The following BTAF1 variants were observed in gnomAD, a reference collection of about 807,000 sequenced individuals.
BTAF1 encodes the protein TATA-binding protein-associated factor 172.
BTAF1 carries 38 observed loss-of-function variants against 227.1 expected under a neutral mutation model. That is an observed-to-expected ratio of 0.17 (90% CI 0.13 to 0.22). The LOEUF (loss-of-function observed/expected upper bound fraction) is 0.22. Among genes scored for constraint, BTAF1 ranks in the 10% least tolerant of loss-of-function variants. BTAF1 has a pLI of 1.00. For missense variants in BTAF1, 1,598 were observed against 2,204.0 expected, an observed-to-expected ratio of 0.73 and a Z score of 5.51; for synonymous variants, 742 against 751.9, an observed-to-expected ratio of 0.99 and a Z score of 0.21.
intron 30 of BTAF1, among the ~76,000 whole-genome samples, chr10:92,012,770 C>CAAAAAAA (rs202198347): frequency 1.1e-5 from 1 of 92,628 alleles, no homozygotes; most frequent in Non-Finnish European, 2.0e-5. Context: ...GACTCTGTCT[C>CAAAAAAA]AAAAAAAAAA....
intron 1 of BTAF1, 113 bp downstream of exon 1, chr10:91,924,203 G>T: frequency 7.1e-7 from 1 of 1,412,426 alleles, no homozygotes; most frequent in Non-Finnish European, 9.5e-7. Context: ...GGGCTCTGGA[G>T]CTTTCTTCAG....
intron 2 of BTAF1, among the ~76,000 whole-genome samples, chr10:91,938,619 CG>C (rs1844787515): frequency 6.6e-6 from 1 of 152,180 alleles, no homozygotes; most frequent in South Asian, 2.1e-4. Context: ...GCCACTGATT[CG>C]TATGTCTATC....
chr10:91,938,291 T>TAGA (rs1409219859), intron 2 of BTAF1, among the ~76,000 whole-genome samples: 2 of 152,228 alleles, frequency 1.3e-5, no homozygotes, highest in Non-Finnish European at 2.9e-5. Context: ...TTTACTTTCT[T>TAGA]GAACATCACT....
chr10:92,031,404 T>A lies in BTAF1; in HGVS notation c.*2471T>A, dbSNP rs918578997. Among the ~76,000 whole-genome samples, 4 of 152,164 alleles carry A rather than the reference T, an allele frequency of 2.6e-5. No individual in the cohort carries two copies. Among genetic ancestry groups the A allele is most frequent in the African/African-American group, 9.6e-5 (4 of 41,466 alleles). Reference sequence around the variant, plus strand: ...TCCTTCTGGATGGTTTATATGAACTTACTTATTCAAAAGTAAATATTCCAC... The same window carrying A: ...TCCTTCTGGATGGTTTATATGAACTAACTTATTCAAAAGTAAATATTCCAC... On this transcript the variant is annotated 3_prime_UTR_variant, in exon 38 of 38. Transcript: ENST00000265990.
chr10:91,973,972 A>G (rs1225185981), intron 14 of BTAF1, among the ~76,000 whole-genome samples: 4 of 151,040 alleles, frequency 2.6e-5, no homozygotes, highest in Non-Finnish European at 5.9e-5. Context: ...TTCAGATCTT[A>G]TTCTGGCTTT....
chr10:91,984,828 T>C (rs1460948187), intron 19 of BTAF1, among the ~76,000 whole-genome samples: 1 of 152,132 alleles, frequency 6.6e-6, no homozygotes, highest in Non-Finnish European at 1.5e-5. Flanking sequence ...TAGTTAACAT[T>C]TTACCTAATT....
intron 33 of BTAF1, 142 bp downstream of exon 33, chr10:92,016,607 C>T: frequency 1.6e-6 from 1 of 627,100 alleles, no homozygotes; most frequent in East Asian, 3.4e-5. Context: ...TCCTGAGTAG[C>T]TGGGAGTAGA....
chr10:91,980,214 T>G lies in BTAF1; in HGVS notation c.1651-240T>G, dbSNP rs544493448. Among the ~76,000 whole-genome samples the G allele has an allele frequency of 2.0e-5, 3 of 152,290 alleles. No homozygotes were observed. The South Asian group carries it at 6.2e-4, about 32-fold the overall frequency. On this transcript the variant is annotated intron_variant, in intron 14 of 37. Transcript: ENST00000265990. ...TTTGAGGAAAAATTGTTGTTAATGA[T>G]AATCAGACTTTTTCCAGCTTCCCAG...
intron 1 of BTAF1, among the ~76,000 whole-genome samples, chr10:91,934,228 T>A (rs1844446728): frequency 6.6e-6 from 1 of 152,160 alleles, no homozygotes; most frequent in African/African-American, 2.4e-5. Flanking sequence ...GACTTTAATC[T>A]ATTTTGATTT....
At chr10:91,981,111 G>A (rs1419198426) in intron 15 of BTAF1, among the ~76,000 whole-genome samples, 6 of 152,062 alleles carry the variant, frequency 3.9e-5, no homozygotes, top group African/African-American at 1.4e-4. Context: ...AACAACCTTG[G>A]ATTAACAGTG....
rs1444270383 is a variant in BTAF1 at position 92,029,931 on chromosome 10, C to T, written c.*998C>T. 6.6e-6 allele frequency: 1 copy of T among 152,480 alleles called. No homozygotes were observed. The highest frequency in any genetic ancestry group is 2.4e-5 in the African/African-American group (1 of 41,430). The allele number at this position is 152,480 out of a possible 1,614,324, so 9.4% of individuals were successfully genotyped here. A position where few individuals can be genotyped will look rare whatever the true frequency, so the allele number is the denominator to read the frequency against. ...TTGGCACTAAAATCATGTAGTTATA[C>T]TGGGCAGCAATAATAATTGGGCATG... On this transcript the variant is annotated 3_prime_UTR_variant, in exon 38 of 38. Transcript: ENST00000265990.
chr10:91,990,826 G>C lies in BTAF1; in HGVS notation c.2854+1246G>C, dbSNP rs566970117. Reference sequence around the variant, plus strand: ...AATAATTAATTAATTAATAGGCCAGGGACCAGGCAGTGGCTCATGCCTGTA... The same window carrying C: ...AATAATTAATTAATTAATAGGCCAGCGACCAGGCAGTGGCTCATGCCTGTA... On this transcript the variant is annotated intron_variant, in intron 20 of 37. Transcript: ENST00000265990. 3.3e-5 allele frequency among the ~76,000 whole-genome samples: 5 copies of C among 151,768 alleles called. No homozygotes were observed. In the South Asian group the frequency reaches 1.0e-3, roughly 32 times the overall value.
rs761684278 is a variant in BTAF1 at position 91,959,762 on chromosome 10, ATATATATATT to A, written c.991-22_991-13del. The A allele has an allele frequency of 2.3e-3, 1,182 of 520,750 alleles. 8 individuals are homozygous for A. The African/African-American group carries it at 0.023, about 10-fold the overall frequency. 32.3% of individuals were successfully genotyped at this position (520,750 alleles called of 1,614,324 possible). A position where few individuals can be genotyped will look rare whatever the true frequency, so the allele number is the denominator to read the frequency against. ...TGTGTATATATATATATATATATAT[ATATATATATT>A]ATATTTTAACAGATGATTCAGCAGC... is the stretch of plus-strand genomic sequence containing the variant. On this transcript the variant is annotated splice_polypyrimidine_tract_variant and intron_variant, in intron 9 of 37. Transcript: ENST00000265990.
At chr10:91,999,446 G>A (rs569659239) in intron 25 of BTAF1, among the ~76,000 whole-genome samples, 1 of 152,186 alleles carries the variant, frequency 6.6e-6, no homozygotes, top group South Asian at 2.1e-4. Flanking sequence ...CCAGGCTGGA[G>A]TGCAATGGCG....
intron 4 of BTAF1, among the ~76,000 whole-genome samples, chr10:91,948,588 C>T (rs1263346124): frequency 6.6e-6 from 1 of 151,030 alleles, no homozygotes; most frequent in African/African-American, 2.4e-5. Flanking sequence ...TGCTATGTTA[C>T]CCAGGCTGGT....
In BTAF1 at chr10:92,029,875, AC is replaced by A. The variant is rs1452848938; in HGVS notation, c.*944del. ...TATGCATATCTATATGCATAGATGT[AC>A]CTATCCTGCACCCAAAAAGGTGCCT... On this transcript the variant is annotated 3_prime_UTR_variant, in exon 38 of 38. Coordinates refer to ENST00000265990, the MANE Select transcript of BTAF1 (RefSeq NM_003972.3). The A allele has an allele frequency of 6.6e-6, 1 of 152,518 alleles. No individual in the cohort carries two copies. Among genetic ancestry groups the A allele is most frequent in the Middle Eastern group, 3.2e-3 (1 of 316 alleles). 9.4% of individuals were successfully genotyped at this position (152,518 alleles called of 1,614,324 possible).
chr10:91,979,993 G>T (rs956923414), intron 14 of BTAF1, among the ~76,000 whole-genome samples: 1 of 152,124 alleles, frequency 6.6e-6, no homozygotes, highest in African/African-American at 2.4e-5. Context: ...CCAAGTAGAA[G>T]TTTCTAGGTT....
At chr10:91,971,261 G>C (rs139075993) in intron 14 of BTAF1, among the ~76,000 whole-genome samples, 1 of 152,234 alleles carries the variant, frequency 6.6e-6, no homozygotes, top group African/African-American at 2.4e-5. Flanking sequence ...AAGAGATGCT[G>C]TCTGTGAAAC....
intron 25 of BTAF1, among the ~76,000 whole-genome samples, chr10:92,004,171 C>T (rs562072640): frequency 1.9e-4 from 29 of 152,194 alleles, no homozygotes; most frequent in Non-Finnish European, 3.8e-4. Flanking sequence ...TTTTCCCATT[C>T]TGTTGGTTGT....
Sources: allele counts gnomAD v4.1 joint callset (sites outside exome capture counted in the v4.1 genomes callset), GRCh38; gene constraint gnomAD v4.1.1; transcripts MANE v1.5; gene names NCBI Gene and HGNC (gene_info 2026-07-23, HGNC 2026-07-21).